Variants in TAFA2 observed in about 807,000 individuals in gnomAD.
The protein encoded by TAFA2 is TAFA chemokine like family member 2, also known as chemokine-like protein TAFA-2.
In TAFA2, 7 loss-of-function variants were observed where a neutral mutation model predicts 18.8. The ratio of observed to expected loss-of-function variants is 0.37; its 90% CI spans 0.21 to 0.70. The LOEUF is 0.70. Among genes scored for constraint, TAFA2 ranks in the 30% least tolerant of loss-of-function variants. The pLI, the probability that TAFA2 is intolerant of heterozygous loss-of-function variation, is 0.53. For synonymous variants in TAFA2, 60 were observed against 54.2 expected (o/e 1.11, Z -0.47); for missense variants, 122 against 158.1 (o/e 0.77, Z 1.23).
At chr12:62,204,328 C>A (rs1245656) in intron 1 of TAFA2, among the ~76,000 whole-genome samples, 133,108 of 151,962 alleles carry the variant, frequency 0.88, 58,408 homozygotes, top group Middle Eastern at 0.93. Flanking sequence ...GGGTTGATCT[C>A]CTCATGGAGT....
intron 1 of TAFA2, among the ~76,000 whole-genome samples, chr12:62,012,015 C>A (rs1017692824): frequency 2.0e-5 from 3 of 152,154 alleles, no homozygotes; most frequent in Non-Finnish European, 4.4e-5. Flanking sequence ...ACGCTACTGA[C>A]AATTGTTTGT....
chr12:62,013,327 A>G (rs2136716861), intron 1 of TAFA2, among the ~76,000 whole-genome samples: 1 of 152,332 alleles, frequency 6.6e-6, no homozygotes, highest in Middle Eastern at 3.4e-3. Context: ...ATCACAGCAC[A>G]TAACAGGTTT....
intron 1 of TAFA2, among the ~76,000 whole-genome samples, chr12:62,202,262 T>A (rs764711110): frequency 1.4e-4 from 22 of 152,228 alleles, no homozygotes; most frequent in Non-Finnish European, 3.1e-4. Flanking sequence ...CTTGGTTATT[T>A]CTTGTCTTCT....
At chr12:61,782,109 A>C (rs143261510) in intron 2 of TAFA2, among the ~76,000 whole-genome samples, 328 of 151,728 alleles carry the variant, frequency 2.2e-3, no homozygotes, top group African/African-American at 7.4e-3. Context: ...CGAAGGTATA[A>C]AATATAAACG....
intron 4 of TAFA2, among the ~76,000 whole-genome samples, chr12:61,740,705 CAA>C (rs539165387): frequency 6.7e-6 from 1 of 149,530 alleles, no homozygotes. Flanking sequence ...TTTTTAGATG[CAA>C]AAAAAAAGTT....
At chr12:61,895,837 C>T (rs1248102867) in intron 1 of TAFA2, among the ~76,000 whole-genome samples, 1 of 151,522 alleles carries the variant, frequency 6.6e-6, no homozygotes, top group African/African-American at 2.4e-5. Flanking sequence ...GCCTAGGTAC[C>T]CTAGTAAGAA....
chr12:61,922,682 A>T (rs1037866911), intron 1 of TAFA2, among the ~76,000 whole-genome samples: 4 of 152,192 alleles, frequency 2.6e-5, no homozygotes, highest in Admixed American at 1.3e-4. Flanking sequence ...ATTTGGGCAG[A>T]CACCTAGCTA....
At chr12:61,906,812 T>G (rs1876376328) in intron 1 of TAFA2, among the ~76,000 whole-genome samples, 1 of 152,152 alleles carries the variant, frequency 6.6e-6, no homozygotes, top group African/African-American at 2.4e-5. Flanking sequence ...TGTTGGGAAC[T>G]GGAGTAAAGG....
intron 1 of TAFA2, among the ~76,000 whole-genome samples, chr12:62,126,224 A>G (rs1870453784): frequency 6.6e-6 from 1 of 152,140 alleles, no homozygotes; most frequent in Non-Finnish European, 1.5e-5. Context: ...GGATGAAAAG[A>G]TGAAAAAGAT....
At chr12:61,714,058 ACT>A (rs1869536258) in intron 4 of TAFA2, among the ~76,000 whole-genome samples, 1 of 152,168 alleles carries the variant, frequency 6.6e-6, no homozygotes, top group Non-Finnish European at 1.5e-5. Context: ...GTTTTCAGTA[ACT>A]AAAAGCAGGA....
At chr12:62,162,075 C>G (rs1347000455) in intron 1 of TAFA2, among the ~76,000 whole-genome samples, 1 of 152,128 alleles carries the variant, frequency 6.6e-6, no homozygotes, top group Non-Finnish European at 1.5e-5. Context: ...GTAAATCCTT[C>G]TAAATGCTAA....
chr12:62,083,740 T>A (rs911203571), intron 1 of TAFA2, among the ~76,000 whole-genome samples: 3 of 152,178 alleles, frequency 2.0e-5, no homozygotes, highest in Admixed American at 2.0e-4. Context: ...TTTGTAGCAA[T>A]GGCTAGCTAA....
At chr12:61,795,481 C>T (rs113855864) in intron 2 of TAFA2, among the ~76,000 whole-genome samples, 6,900 of 151,730 alleles carry the variant, frequency 0.045, 496 homozygotes, top group African/African-American at 0.16. Context: ...ATCGCAAGGA[C>T]AAAAAACCAA....
intron 1 of TAFA2, chr12:62,021,924 G>A: frequency 1.4e-6 from 1 of 735,140 alleles, no homozygotes; most frequent in South Asian, 1.4e-5. Flanking sequence ...TCTCCATGAT[G>A]AATTGCAACA....
intron 2 of TAFA2, among the ~76,000 whole-genome samples, chr12:61,860,301 A>C (rs1218510249): frequency 1.3e-5 from 2 of 152,198 alleles, no homozygotes; most frequent in African/African-American, 2.4e-5. Context: ...ACATAATAAA[A>C]ATGTGTCATT....
intron 1 of TAFA2, among the ~76,000 whole-genome samples, chr12:61,874,940 C>T (rs1484745208): frequency 2.0e-5 from 3 of 151,694 alleles, no homozygotes; most frequent in Non-Finnish European, 4.4e-5. Flanking sequence ...CAAGAAATCA[C>T]GGGAGAGTTT....
rs543742479 is a variant in TAFA2, at chr12:62,054,675, T to C, written c.-2+136584A>G. Among the ~76,000 whole-genome samples the C allele has an allele frequency of 1.1e-4, 17 of 152,346 alleles. No individual in the cohort carries two copies. In the East Asian group the frequency reaches 2.9e-3, roughly 26 times the overall value. On this transcript the variant is annotated intron_variant, in intron 1 of 4. Transcript: ENST00000416284. The stretch of plus-strand genomic sequence containing the variant: ...ATAAAGCTCTTCCAGATACTTGAAA[T>C]GTTAAAGCTGCTACTTTACATAAAA...
intron 2 of TAFA2, among the ~76,000 whole-genome samples, chr12:61,760,521 A>G (rs777755046): frequency 1.4e-4 from 22 of 151,766 alleles, no homozygotes; most frequent in Non-Finnish European, 2.5e-4. Context: ...TGTTATGATA[A>G]CCAAATTCTT....
At chr12:61,839,295 G>A (rs574076679) in intron 2 of TAFA2, among the ~76,000 whole-genome samples, 33 of 152,208 alleles carry the variant, frequency 2.2e-4, no homozygotes, top group Non-Finnish European at 4.1e-4. Flanking sequence ...TTCTCTAGTG[G>A]AGAAATGTCT....
Sources: gnomAD v4.1 joint callset for allele counts (sites outside exome capture counted in the v4.1 genomes callset) on GRCh38, gnomAD v4.1.1 for gene constraint, MANE v1.5 for transcripts, NCBI Gene and HGNC (gene_info 2026-07-23, HGNC 2026-07-21) for gene names.